RIC1: variants seen among roughly 807,000 people sequenced by gnomAD.
RIC1 encodes the protein RIC1 partner of RAB6A GEF complex, also known as guanine nucleotide exchange factor subunit RIC1.
A neutral mutation model predicts 169.0 loss-of-function variants in RIC1; 88 were observed. The ratio of observed to expected loss-of-function variants is 0.52; its 90% CI spans 0.44 to 0.62. The LOEUF (loss-of-function observed/expected upper bound fraction) is 0.62. Ranked by LOEUF, RIC1 falls within the 20% of genes least tolerant of loss-of-function variation. The probability of loss-of-function intolerance (pLI) is 0.00; values close to 1 mark genes in which losing one functional copy is unlikely to be tolerated. For missense variants in RIC1, 1,877 were observed against 1,725.5 expected (o/e 1.09, Z -1.56); for synonymous variants, 790 against 601.5 (o/e 1.31, Z -4.59).
At chr9:5,677,096 A>G (rs1453960936) in intron 2 of RIC1, among the ~76,000 whole-genome samples, 2 of 152,232 alleles carry the variant, frequency 1.3e-5, no homozygotes, top group African/African-American at 4.8e-5. Context: ...TTTAAAGGAA[A>G]TGTGAAACTT....
chr9:5,742,885 A>C lies in RIC1; in HGVS notation c.918A>C (p.Thr306=). Residue 306 remains threonine (T), a synonymous_variant, in exon 9 of 26, where the codon ACA becomes ACC. Coordinates refer to ENST00000414202, the MANE Select transcript of RIC1 (RefSeq NM_020829.4). Reference sequence around the variant, plus strand: ...TCCTAACAGACATTTGGAATAAAACAGGAGCTGTTAAATTGATGAGATGGT... The same window carrying C: ...TCCTAACAGACATTTGGAATAAAACCGGAGCTGTTAAATTGATGAGATGGT... ...AKQYPDIWNK[T]GAVKLMRWSP... is the part of the protein sequence containing the mutation. The C allele has an allele frequency of 6.2e-7, 1 of 1,612,690 alleles. No homozygotes were observed. Among genetic ancestry groups the C allele is most frequent in the Non-Finnish European group, 8.5e-7 (1 of 1,179,082 alleles).
At chr9:5,732,542 T>C (rs923700153) in intron 7 of RIC1, 63 bp downstream of exon 7, 47 of 1,039,474 alleles carry the variant, frequency 4.5e-5, no homozygotes, top group Non-Finnish European at 6.1e-5. Context: ...GTTTTTTTTT[T>C]TGTAAACATA....
intron 3 of RIC1, among the ~76,000 whole-genome samples, chr9:5,712,562 G>GGAA (rs1264064054): frequency 1.3e-5 from 2 of 152,158 alleles, no homozygotes; most frequent in Non-Finnish European, 2.9e-5. Context: ...GAAGACATAT[G>GGAA]TCTTTTTAAG....
chr9:5,631,102 G>A (rs555248237), intron 1 of RIC1, among the ~76,000 whole-genome samples: 3 of 152,274 alleles, frequency 2.0e-5, no homozygotes, highest in Non-Finnish European at 2.9e-5. Context: ...TCCCCCATAA[G>A]AGAAGCATAA....
rs140199661 is a variant in RIC1, at chr9:5,688,544, C to G, written c.253-1415C>G. Among the ~76,000 whole-genome samples, 18 of 152,212 alleles carry G rather than the reference C, an allele frequency of 1.2e-4. No individual in the cohort carries two copies. The East Asian group carries it at 3.5e-3, about 29-fold the overall frequency. On this transcript the variant is annotated intron_variant, in intron 2 of 25. Transcript: ENST00000414202. ...TTCCATACTCTCCATATTGCAAGAA[C>G]ATAAAATTGCACATAAAGAATTAGA... is the stretch of plus-strand genomic sequence containing the variant.
chr9:5,666,897 C>G (rs1344677003), intron 2 of RIC1, among the ~76,000 whole-genome samples: 1 of 152,158 alleles, frequency 6.6e-6, no homozygotes, highest in African/African-American at 2.4e-5. Flanking sequence ...GAATACAACT[C>G]TTTATTGTAT....
chr9:5,747,538 A>T (rs1442820371), intron 12 of RIC1, 33 bp downstream of exon 12: 45 of 1,525,870 alleles, frequency 2.9e-5, no homozygotes, highest in Non-Finnish European at 4.1e-5. Context: ...CTAGAGACTT[A>T]TTCTTTGATA....
rs150094994 is a variant in RIC1 at position 5,655,342 on chromosome 9, C to G, written c.145-1241C>G. ...TGGAGACAGAGTCTCGCTCTTTTGC[C>G]CAGGCTGGAGTGCAGTCTCACAATC... On this transcript the variant is annotated intron_variant, in intron 1 of 25. Transcript: ENST00000414202. 9.7e-4 allele frequency among the ~76,000 whole-genome samples: 148 copies of G among 152,138 alleles called. 1 individual carries two copies. Among genetic ancestry groups the G allele is most frequent in the African/African-American group, 3.3e-3 (136 of 41,496 alleles).
At chr9:5,708,427 A>T (rs1405337356) in intron 3 of RIC1, among the ~76,000 whole-genome samples, 1 of 152,156 alleles carries the variant, frequency 6.6e-6, no homozygotes, top group Non-Finnish European at 1.5e-5. Flanking sequence ...TTTCAGGCTG[A>T]AGAACTTCCT....
At chr9:5,722,812 G>GT (rs537525342) in intron 6 of RIC1, among the ~76,000 whole-genome samples, 118 of 152,132 alleles carry the variant, frequency 7.8e-4, no homozygotes, top group Non-Finnish European at 1.5e-3. Context: ...ACGGTGTTTG[G>GT]TTTTTTGTCC....
intron 10 of RIC1, among the ~76,000 whole-genome samples, chr9:5,745,701 A>G (rs1345225187): frequency 6.6e-6 from 1 of 152,166 alleles, no homozygotes; most frequent in Non-Finnish European, 1.5e-5. Flanking sequence ...AATGGTAGGT[A>G]ATGTTTTCAC....
At chr9:5,675,265 G>T (rs759078871) in intron 2 of RIC1, among the ~76,000 whole-genome samples, 1 of 152,176 alleles carries the variant, frequency 6.6e-6, no homozygotes, top group Non-Finnish European at 1.5e-5. Context: ...ATGAGTCAGG[G>T]TGGAGAATGA....
chr9:5,641,224 T>C (rs1349389157), intron 1 of RIC1, among the ~76,000 whole-genome samples: 2 of 151,868 alleles, frequency 1.3e-5, no homozygotes, highest in African/African-American at 4.8e-5. Context: ...CCTGAGTACC[T>C]GGGACTACAG....
At chr9:5,704,881 T>A (rs754738311) in intron 3 of RIC1, among the ~76,000 whole-genome samples, 1 of 152,206 alleles carries the variant, frequency 6.6e-6, no homozygotes, top group Non-Finnish European at 1.5e-5. Context: ...CTTAATTCTT[T>A]CGTAAATGGT....
chr9:5,642,602 C>T (rs1044449993), intron 1 of RIC1, among the ~76,000 whole-genome samples: 4 of 144,804 alleles, frequency 2.8e-5, no homozygotes, highest in African/African-American at 5.6e-5. Context: ...GGCACTCAAA[C>T]CGTAACACAA....
intron 1 of RIC1, among the ~76,000 whole-genome samples, chr9:5,650,478 A>G (rs1444021384): frequency 6.6e-6 from 1 of 152,028 alleles, no homozygotes; most frequent in African/African-American, 2.4e-5. Flanking sequence ...GCCTCAGGGC[A>G]TGTGCATGTC....
Position 5,774,171 on chromosome 9 carries a change from G to C in RIC1, c.4197G>C (p.Arg1399=), listed in dbSNP as rs1329862092. The C allele has an allele frequency of 2.5e-6, 4 of 1,613,940 alleles. No individual in the cohort carries two copies. Among genetic ancestry groups the C allele is most frequent in the African/African-American group, 1.3e-5 (1 of 74,912 alleles). ...GEVGSSNMVS[R]KEEDTAQAEE... ...TTGGAAGCAGCAATATGGTCAGCCG[G>C]AAAGAGGAGGACACAGCCCAAGCAG... Residue 1399 remains arginine (R), a synonymous_variant, in exon 26 of 26, where the codon CGG becomes CGC. Transcript: ENST00000414202.
At chr9:5,674,215 G>A (rs1042049075) in intron 2 of RIC1, among the ~76,000 whole-genome samples, 1 of 151,810 alleles carries the variant, frequency 6.6e-6, no homozygotes, top group Non-Finnish European at 1.5e-5. Flanking sequence ...TACTTTCTGT[G>A]TTTCTTGGGT....
In RIC1 at chr9:5,769,107, G is replaced by A. The variant is rs777255722; in HGVS notation, c.3275G>A (p.Ser1092Asn). Residue 1092 changes from serine (S) to asparagine (N), a missense_variant, in exon 22 of 26, where the codon AGT (serine) becomes AAT (asparagine). This residue lies in a region of RIC1 where 681 missense variants were observed against 582.0 expected (regional missense o/e 1.17). Transcript: ENST00000414202. ...GCCCAGCTGGGCTTTGAACTAATTAGTTGGCTATGCAAGGAACGTACCCGA... is the reference window on the plus strand; with the variant it reads ...GCCCAGCTGGGCTTTGAACTAATTAATTGGCTATGCAAGGAACGTACCCGA... Reference protein sequence around the residue: ...FAAQLGFELISWLCKERTRAA... With the variant: ...FAAQLGFELINWLCKERTRAA... 1.9e-6 allele frequency: 3 copies of A among 1,614,094 alleles called. No individual in the cohort carries two copies. The highest frequency in any genetic ancestry group is 2.5e-6 in the Non-Finnish European group (3 of 1,179,984).
Sources: allele counts gnomAD v4.1 joint callset (sites outside exome capture counted in the v4.1 genomes callset), GRCh38; gene constraint gnomAD v4.1.1; regional missense constraint gnomAD v4.1.1; transcripts MANE v1.5; gene names NCBI Gene and HGNC (gene_info 2026-07-23, HGNC 2026-07-21).